DDX10: variants seen among roughly 807,000 people sequenced by gnomAD.
The protein encoded by DDX10 is DEAD-box helicase 10.
A neutral mutation model predicts 104.3 loss-of-function variants in DDX10; 74 were observed. The ratio of observed to expected loss-of-function variants is 0.71; its 90% CI spans 0.59 to 0.86. The LOEUF (loss-of-function observed/expected upper bound fraction) is 0.86, where lower values mean the gene tolerates loss of function less well. DDX10 is among the 40% of genes least tolerant of loss of function. The pLI, the probability that DDX10 is intolerant of heterozygous loss-of-function variation, is 0.00. For synonymous variants in DDX10, 351 were observed against 353.4 expected (o/e 0.99, Z 0.08); for missense variants, 952 against 1,040.0 (o/e 0.92, Z 1.16).
chr11:108,689,293 A>C (rs910047397), intron 7 of DDX10, among the ~76,000 whole-genome samples: 2 of 152,230 alleles, frequency 1.3e-5, no homozygotes, highest in Admixed American at 6.5e-5. Flanking sequence ...CTGGAAATGT[A>C]GTCCTCAATA....
chr11:108,902,596 AT>A (rs777330016), intron 16 of DDX10, among the ~76,000 whole-genome samples: 1 of 151,898 alleles, frequency 6.6e-6, no homozygotes, highest in Non-Finnish European at 1.5e-5. Flanking sequence ...AAAGTTAAGG[AT>A]TTTTTTTCTC....
At chr11:108,695,750 G>A (rs2094258876) in intron 9 of DDX10, among the ~76,000 whole-genome samples, 1 of 147,912 alleles carries the variant, frequency 6.8e-6, no homozygotes, top group South Asian at 2.2e-4. Context: ...GAATGTATGA[G>A]TGTTTAAGTG....
At chr11:108,816,743 A>G (rs12291564) in intron 13 of DDX10, among the ~76,000 whole-genome samples, 4,041 of 152,070 alleles carry the variant, frequency 0.027, 180 homozygotes, top group African/African-American at 0.092. Context: ...TAGTAGAGAC[A>G]GAGTTTCACC....
chr11:108,868,808 C>T (rs978961560), intron 16 of DDX10, among the ~76,000 whole-genome samples: 1 of 152,052 alleles, frequency 6.6e-6, no homozygotes. Flanking sequence ...CCTATCAGAG[C>T]TCCCTAGCAG....
At chr11:108,693,919 C>G (rs937643942) in intron 9 of DDX10, among the ~76,000 whole-genome samples, 1 of 152,190 alleles carries the variant, frequency 6.6e-6, no homozygotes, top group East Asian at 1.9e-4. Flanking sequence ...CACTTATCCT[C>G]AGGGGTTATG....
chr11:108,702,418 G>A (rs1002888716), intron 9 of DDX10, among the ~76,000 whole-genome samples: 2 of 152,186 alleles, frequency 1.3e-5, no homozygotes, highest in African/African-American at 4.8e-5. Context: ...AGAACTGAGG[G>A]TGGCTAGGCA....
At chr11:108,893,553 G>GT (rs1000887367) in intron 16 of DDX10, among the ~76,000 whole-genome samples, 5 of 151,400 alleles carry the variant, frequency 3.3e-5, no homozygotes, top group African/African-American at 1.2e-4. Flanking sequence ...CCATGTTTGT[G>GT]TTTTCCTTAT....
chr11:108,821,002 G>T (rs1250854438), intron 13 of DDX10, among the ~76,000 whole-genome samples: 1 of 152,190 alleles, frequency 6.6e-6, no homozygotes, highest in Non-Finnish European at 1.5e-5. Flanking sequence ...GCTCAACTTA[G>T]TTCCACAAAT....
chr11:108,896,014 G>A (rs1863435561), intron 16 of DDX10, among the ~76,000 whole-genome samples: 2 of 151,970 alleles, frequency 1.3e-5, no homozygotes, highest in Admixed American at 1.3e-4. Flanking sequence ...TGTATACATC[G>A]TGCCACCCAA....
At chr11:108,819,412 C>T (rs1229240677) in intron 13 of DDX10, among the ~76,000 whole-genome samples, 1 of 152,070 alleles carries the variant, frequency 6.6e-6, no homozygotes, top group African/African-American at 2.4e-5. Flanking sequence ...AGCATTTTGA[C>T]CAATATAAAT....
intron 13 of DDX10, among the ~76,000 whole-genome samples, chr11:108,774,337 CAT>C (rs1326966183): frequency 6.6e-6 from 1 of 152,214 alleles, no homozygotes; most frequent in East Asian, 1.9e-4. Flanking sequence ...AGTTGTTTAC[CAT>C]TGTTCGTCCT....
intron 16 of DDX10, among the ~76,000 whole-genome samples, chr11:108,897,518 C>T (rs759454506): frequency 6.6e-6 from 1 of 152,106 alleles, no homozygotes; most frequent in African/African-American, 2.4e-5. Flanking sequence ...CTCCAAGGGA[C>T]TAGTTCCTTG....
chr11:108,745,033 T>G (rs1381706501), intron 13 of DDX10, among the ~76,000 whole-genome samples: 1 of 136,988 alleles, frequency 7.3e-6, no homozygotes, highest in Non-Finnish European at 1.6e-5. Flanking sequence ...GGAAAATTAC[T>G]TTTTCCTTCC....
At chr11:108,824,306 G>A (rs992151282) in intron 13 of DDX10, among the ~76,000 whole-genome samples, 1 of 152,198 alleles carries the variant, frequency 6.6e-6, no homozygotes, top group African/African-American at 2.4e-5. Context: ...GCCTCGCAAA[G>A]TGGCATGAGC....
chr11:108,926,653 A>G (rs904417781), intron 17 of DDX10, among the ~76,000 whole-genome samples: 1 of 152,214 alleles, frequency 6.6e-6, no homozygotes, highest in Non-Finnish European at 1.5e-5. Context: ...CCGATTCTAC[A>G]TGTGGTAGCC....
chr11:108,665,511 C>T (rs1295586155), intron 1 of DDX10, among the ~76,000 whole-genome samples, 172 bp downstream of exon 1: 1 of 151,884 alleles, frequency 6.6e-6, no homozygotes, highest in Non-Finnish European at 1.5e-5. Context: ...GGCCACTCTT[C>T]TGCTTGCCAC....
At chr11:108,710,771 A>G (rs2094283287) in intron 10 of DDX10, among the ~76,000 whole-genome samples, 1 of 152,258 alleles carries the variant, frequency 6.6e-6, no homozygotes, top group South Asian at 2.1e-4. Context: ...CTACACCAGC[A>G]TCACCATAAA....
At position 108,678,360 on chromosome 11, in the gene DDX10, G is replaced by C. The variant is rs755368120; in HGVS notation, c.583G>C (p.Val195Leu). ...AERINNINILVCTPGRLLQHM... is the reference protein window; with the variant it reads ...AERINNINILLCTPGRLLQHM... ...GAGGATCAACAACATAAATATACTCGTGTGCACACCAGGTCGGCTTCTTCA... is the reference window on the plus strand; with the variant it reads ...GAGGATCAACAACATAAATATACTCCTGTGCACACCAGGTCGGCTTCTTCA... Residue 195 changes from valine to leucine, a missense_variant, in exon 5 of 18, where the codon GTG (valine) becomes CTG (leucine). By Grantham distance (32) the Val-to-Leu change is conservative. This residue lies in a region of DDX10 where 412 missense variants were observed against 479.2 expected (regional missense o/e 0.86). Coordinates refer to ENST00000322536, the MANE Select transcript of DDX10 (RefSeq NM_004398.4). 3 of 1,612,750 alleles carry C rather than the reference G, an allele frequency of 1.9e-6. No individual in the cohort carries two copies. The highest frequency in any genetic ancestry group is 1.7e-4 in the Middle Eastern group (1 of 5,954).
chr11:108,813,604 T>C (rs1015086821), intron 13 of DDX10, among the ~76,000 whole-genome samples: 1 of 152,146 alleles, frequency 6.6e-6, no homozygotes, highest in African/African-American at 2.4e-5. Flanking sequence ...TTTTGTCTTT[T>C]ATGGGTTCTA....
Sources: gnomAD v4.1 joint callset for allele counts (sites outside exome capture counted in the v4.1 genomes callset) on GRCh38, gnomAD v4.1.1 for gene constraint, gnomAD v4.1.1 regional missense constraint, MANE v1.5 for transcripts, NCBI Gene and HGNC (gene_info 2026-07-23, HGNC 2026-07-21) for gene names.